ADAM20: variants seen among roughly 807,000 people sequenced by gnomAD.
ADAM20 encodes the protein ADAM metallopeptidase domain 20, also known as disintegrin and metalloproteinase domain-containing protein 20.
For synonymous variants in ADAM20, 305 were observed against 310.2 expected (o/e 0.98, Z 0.18); for missense variants, 871 against 883.2 (o/e 0.99, Z 0.18).
At chr14:70,553,387 A>G in the ADAM20 span, among the ~76,000 whole-genome samples, 1 of 148,508 alleles carries the variant, frequency 6.7e-6, no homozygotes, top group Non-Finnish European at 1.5e-5. Context: ...CTGCTCAAAT[A>G]GTTCCAAAAA....
At chr14:70,574,784 C>A in the ADAM20 span, among the ~76,000 whole-genome samples, 1 of 151,862 alleles carries the variant, frequency 6.6e-6, no homozygotes, top group African/African-American at 2.4e-5. Context: ...GAAATAGAGA[C>A]TAGAAAAACA....
chr14:70,557,328 T>C, the ADAM20 span: 5 of 152,310 alleles, frequency 3.3e-5, no homozygotes, highest in East Asian at 9.7e-4. Flanking sequence ...TGGAGAAATG[T>C]CATAAGATTG....
chr14:70,577,076 ACT>A, the ADAM20 span, among the ~76,000 whole-genome samples: 1 of 152,214 alleles, frequency 6.6e-6, no homozygotes, highest in South Asian at 2.1e-4. Context: ...CAGGAACCGC[ACT>A]GTTTGGTATG....
chr14:70,574,574 A>T, the ADAM20 span, among the ~76,000 whole-genome samples: 2 of 152,074 alleles, frequency 1.3e-5, no homozygotes, highest in African/African-American at 4.8e-5. Flanking sequence ...CGGGAGGCAG[A>T]GCTTGCAGTG....
chr14:70,574,639 C>CA, the ADAM20 span, among the ~76,000 whole-genome samples: 110 of 126,494 alleles, frequency 8.7e-4, 1 homozygote, highest in East Asian at 5.2e-3. Flanking sequence ...GACTCCGTCT[C>CA]AAAAAAAAAA....
chr14:70,570,147 G>A, the ADAM20 span, among the ~76,000 whole-genome samples: 2 of 152,154 alleles, frequency 1.3e-5, no homozygotes, highest in African/African-American at 4.8e-5. Context: ...AGCAAAAGCA[G>A]TGTTTAAAGG....
chr14:70,546,595 A>C, the ADAM20 span, among the ~76,000 whole-genome samples: 1 of 152,226 alleles, frequency 6.6e-6, no homozygotes, highest in Non-Finnish European at 1.5e-5. Flanking sequence ...GACTTTGAAT[A>C]GAATGGAAGG....
Position 70,524,649 on chromosome 14 carries a change from A to C in ADAM20, c.109T>G (p.Phe37Val). The C allele has an allele frequency of 6.2e-7, 1 of 1,614,024 alleles. No individual in the cohort carries two copies. Among genetic ancestry groups the C allele is most frequent in the Middle Eastern group, 1.7e-4 (1 of 6,048 alleles). The change falls in exon 2 of 2, where the codon TTC becomes GTC. Residue 37 changes from phenylalanine to valine, a missense_variant. Phe to Val is a conservative substitution (Grantham distance 50). Coordinates refer to ENST00000256389, the MANE Select transcript of ADAM20 (RefSeq NM_003814.5). ...GGGATCACCACTTCTGGAGAAGTGA[A>C]ATACTGGGAGGGCCTGGCCTGAGAG... ...GHSQARPSQY[F>V]TSPEVVIPLK...
chr14:70,573,671 C>T, the ADAM20 span, among the ~76,000 whole-genome samples: 2 of 152,060 alleles, frequency 1.3e-5, no homozygotes, highest in Non-Finnish European at 2.9e-5. Context: ...TGCATTTAAG[C>T]TGAAAGTGAA....
At chr14:70,556,694 G>T in the ADAM20 span, 16,631 of 152,070 alleles carry the variant, frequency 0.11, 1,340 homozygotes, top group East Asian at 0.49. Flanking sequence ...AAATACAGTC[G>T]GCCCTCTGCA....
rs373717586 is a variant in ADAM20 at position 70,532,670 on chromosome 14, T to C, written c.-177+2127A>G. 3.3e-3 allele frequency among the ~76,000 whole-genome samples: 496 copies of C among 152,292 alleles called. 2 individuals are homozygous for C. Among genetic ancestry groups the C allele is most frequent in the Non-Finnish European group, 5.0e-3 (341 of 68,002 alleles). Reference sequence around the variant, plus strand: ...CAAGGATGGAGGAGTGAGATAGCTATACTTAACTATATTGGCATTTTACAT... The same window carrying C: ...CAAGGATGGAGGAGTGAGATAGCTACACTTAACTATATTGGCATTTTACAT... On this transcript the variant is annotated intron_variant, in intron 1 of 1. Coordinates refer to ENST00000256389, the MANE Select transcript of ADAM20 (RefSeq NM_003814.5).
At position 70,523,732 on chromosome 14, in the gene ADAM20, G is replaced by A. The variant is rs375968717; in HGVS notation, c.1026C>T (p.His342=). ...GCATACCCAAATTATGACCAAGCTC[G>A]TGGCCCAAAGTAATTGCAAAAACGA... ...RLVVFAITLG[H]ELGHNLGMQH... is the part of the protein sequence containing the mutation. The change falls in exon 2 of 2, where the codon CAC becomes CAT. Residue 342 remains histidine, a synonymous_variant. Transcript: ENST00000256389. 104 of 1,614,006 alleles carry A rather than the reference G, an allele frequency of 6.4e-5. No individual in the cohort carries two copies. The highest frequency in any genetic ancestry group is 3.5e-4 in the Admixed American group (21 of 59,968).
At chr14:70,570,920 T>G in the ADAM20 span, among the ~76,000 whole-genome samples, 10 of 152,170 alleles carry the variant, frequency 6.6e-5, no homozygotes, top group African/African-American at 1.9e-4. Context: ...CATGATCAAG[T>G]GGGCTTTATT....
At chr14:70,564,641 CTCAG>C in the ADAM20 span, among the ~76,000 whole-genome samples, 4 of 150,806 alleles carry the variant, frequency 2.7e-5, no homozygotes, top group African/African-American at 9.8e-5. Context: ...CCTAAAGAAG[CTCAG>C]TGAGATAAAA....
chr14:70,525,216 T>C (rs79974332), intron 1 of ADAM20, among the ~76,000 whole-genome samples: 7,770 of 152,240 alleles, frequency 0.051, 257 homozygotes, highest in Middle Eastern at 0.099. Context: ...ATTTCTTTTA[T>C]TATTTCCTTA....
chr14:70,569,931 T>C, the ADAM20 span, among the ~76,000 whole-genome samples: 1 of 141,224 alleles, frequency 7.1e-6, no homozygotes, highest in South Asian at 2.3e-4. Context: ...GGACTTAAAC[T>C]GGACTCTTGA....
intron 1 of ADAM20, 71 bp from the exon 2 acceptor site, chr14:70,525,004 C>T: frequency 7.7e-7 from 1 of 1,304,496 alleles, no homozygotes; most frequent in Non-Finnish European, 1.1e-6. Flanking sequence ...CAAAGTGATT[C>T]CTGCATTTGG....
chr14:70,540,885 C>T, the ADAM20 span, among the ~76,000 whole-genome samples: 10 of 152,286 alleles, frequency 6.6e-5, no homozygotes, highest in African/African-American at 1.9e-4. Context: ...CTCCATCTCC[C>T]GGGTTCAAGA....
At chr14:70,567,938 CCAA>C in the ADAM20 span, among the ~76,000 whole-genome samples, 1 of 152,122 alleles carries the variant, frequency 6.6e-6, no homozygotes, top group Non-Finnish European at 1.5e-5. Flanking sequence ...TCAGCGGGCC[CCAA>C]CAAGATTGCT....
Sources: allele counts gnomAD v4.1 joint callset (sites outside exome capture counted in the v4.1 genomes callset), GRCh38; gene constraint gnomAD v4.1.1; transcripts MANE v1.5; gene names NCBI Gene and HGNC (gene_info 2026-07-23, HGNC 2026-07-21).